Variants in PTPRM observed in about 807,000 individuals in gnomAD.
PTPRM encodes protein tyrosine phosphatase receptor type M, also known as receptor-type tyrosine-protein phosphatase mu.
In PTPRM, 47 loss-of-function variants were observed where a neutral mutation model predicts 186.7. That is an observed-to-expected ratio of 0.25 (90% CI 0.20 to 0.32). The LOEUF (loss-of-function observed/expected upper bound fraction) is 0.32, where lower values mean the gene tolerates loss of function less well. Among genes scored for constraint, PTPRM ranks in the 10% least tolerant of loss-of-function variants. The probability of loss-of-function intolerance (pLI) is 1.00; values close to 1 mark genes in which losing one functional copy is unlikely to be tolerated. For synonymous variants in PTPRM, 668 were observed against 674.9 expected (o/e 0.99, Z 0.16); for missense variants, 1,494 against 1,865.0 (o/e 0.80, Z 3.66).
In PTPRM at chr18:7,567,978, C is replaced by G. The variant is rs1156849787; in HGVS notation, c.73+87C>G. The G allele has an allele frequency of 7.6e-6, 10 of 1,309,556 alleles. No homozygotes were observed. Among genetic ancestry groups the G allele is most frequent in the Middle Eastern group, 4.8e-4 (2 of 4,202 alleles). The allele number at this position is 1,309,556 out of a possible 1,614,324, so 81.1% of individuals were successfully genotyped here. A position where few individuals can be genotyped will look rare whatever the true frequency, so the allele number is the denominator to read the frequency against. ...CCGACAGCTCCCTGGTGGTAGAGCC[C>G]TAAGGCTGGCGTCGGGGCCGGGCGG... On this transcript the variant is annotated intron_variant, in intron 1 of 32. Coordinates refer to ENST00000580170, the MANE Select transcript of PTPRM (RefSeq NM_001105244.2). This position sits in a 1 kb window ranked among gnomAD's most constrained non-coding sequence, Gnocchi z 4.3.
intron 1 of PTPRM, among the ~76,000 whole-genome samples, chr18:7,648,274 G>A (rs896490203): frequency 4.0e-4 from 61 of 152,222 alleles, no homozygotes; most frequent in African/African-American, 1.4e-3. Flanking sequence ...TGGGCTGGCT[G>A]TTACCCCATC....
intron 23 of PTPRM, among the ~76,000 whole-genome samples, chr18:8,354,155 G>C (rs2095550955): frequency 6.6e-6 from 1 of 151,954 alleles, no homozygotes; most frequent in Non-Finnish European, 1.5e-5. Flanking sequence ...GGAGGTTGCA[G>C]TGAGCCTAGA....
At chr18:7,984,890 CAT>C (rs1196224630) in intron 7 of PTPRM, among the ~76,000 whole-genome samples, 3 of 122,402 alleles carry the variant, frequency 2.5e-5, no homozygotes, top group East Asian at 2.3e-4. Context: ...ATTATATATA[CAT>C]ATATAAATAT....
At chr18:7,943,695 T>G (rs2052341024) in intron 5 of PTPRM, among the ~76,000 whole-genome samples, 1 of 152,116 alleles carries the variant, frequency 6.6e-6, no homozygotes, top group Admixed American at 6.6e-5. Flanking sequence ...CCCTCATATT[T>G]TGCCTCGTGA....
intron 7 of PTPRM, among the ~76,000 whole-genome samples, chr18:8,006,578 G>C (rs1644481394): frequency 6.6e-6 from 1 of 152,146 alleles, no homozygotes; most frequent in African/African-American, 2.4e-5. Flanking sequence ...GAGTGGAATT[G>C]GCATATTTCT....
At chr18:7,839,267 C>T (rs1253345902) in intron 2 of PTPRM, among the ~76,000 whole-genome samples, 1 of 152,170 alleles carries the variant, frequency 6.6e-6, no homozygotes, top group East Asian at 1.9e-4. Context: ...AGTCTTGCCT[C>T]GTATAGCCAC....
intron 10 of PTPRM, 93 bp downstream of exon 10, chr18:8,085,965 T>C (rs1360100056): frequency 8.3e-6 from 10 of 1,204,928 alleles, no homozygotes; most frequent in Non-Finnish European, 1.1e-5. Context: ...TCGCCCACAC[T>C]AACATTGTAT....
chr18:8,191,194 C>T (rs1210129439), intron 14 of PTPRM, among the ~76,000 whole-genome samples: 2 of 152,226 alleles, frequency 1.3e-5, no homozygotes, highest in Non-Finnish European at 2.9e-5. Context: ...GCCAAGGATA[C>T]TCACCCTGAG....
At chr18:7,636,049 C>T (rs1344408673) in intron 1 of PTPRM, among the ~76,000 whole-genome samples, 2 of 152,186 alleles carry the variant, frequency 1.3e-5, no homozygotes, top group African/African-American at 4.8e-5. Context: ...ACAAACGCTT[C>T]TGTTTTCTGA....
At chr18:7,738,544 T>C (rs2144481923) in intron 1 of PTPRM, among the ~76,000 whole-genome samples, 1 of 151,810 alleles carries the variant, frequency 6.6e-6, no homozygotes, top group Admixed American at 6.6e-5. Context: ...CATGCCATTC[T>C]CCTGCCTCAG....
At chr18:7,828,080 ATAAATAT>A (rs1274236746) in intron 2 of PTPRM, among the ~76,000 whole-genome samples, 3 of 152,198 alleles carry the variant, frequency 2.0e-5, no homozygotes, top group Non-Finnish European at 4.4e-5. Context: ...GTATAGGTGT[ATAAATAT>A]GTGCAAGTGT....
At chr18:7,809,752 A>G (rs532426522) in intron 2 of PTPRM, among the ~76,000 whole-genome samples, 2 of 152,198 alleles carry the variant, frequency 1.3e-5, no homozygotes, top group East Asian at 1.9e-4. Context: ...TGTTACAGTG[A>G]TGTTTTACTA....
chr18:7,705,953 A>G (rs185603654), intron 1 of PTPRM, among the ~76,000 whole-genome samples: 72 of 147,946 alleles, frequency 4.9e-4, no homozygotes, highest in African/African-American at 1.6e-3. Flanking sequence ...AGTGATTTAT[A>G]TATATATATA....
intron 13 of PTPRM, among the ~76,000 whole-genome samples, chr18:8,128,196 T>C (rs1437352352): frequency 6.6e-6 from 1 of 152,186 alleles, no homozygotes; most frequent in Non-Finnish European, 1.5e-5. Flanking sequence ...AACCAACTGA[T>C]TGAAAGTAGT....
intron 23 of PTPRM, among the ~76,000 whole-genome samples, chr18:8,359,972 A>G (rs549127824): frequency 2.4e-4 from 36 of 152,246 alleles, no homozygotes; most frequent in African/African-American, 8.4e-4. Flanking sequence ...TACTTTCCAA[A>G]TCTACTCCCT....
At chr18:8,035,121 A>T (rs2086236113) in intron 7 of PTPRM, among the ~76,000 whole-genome samples, 1 of 152,168 alleles carries the variant, frequency 6.6e-6, no homozygotes, top group Non-Finnish European at 1.5e-5. Flanking sequence ...TGCAATCTGG[A>T]TAGCCGAGAA....
intron 2 of PTPRM, among the ~76,000 whole-genome samples, chr18:7,804,130 T>C (rs2044114142): frequency 6.6e-6 from 1 of 152,164 alleles, no homozygotes; most frequent in African/African-American, 2.4e-5. Context: ...AATGATGCCA[T>C]TGCTGCTCTC....
intron 14 of PTPRM, among the ~76,000 whole-genome samples, chr18:8,195,311 T>C (rs1249495622): frequency 6.6e-6 from 1 of 152,126 alleles, no homozygotes; most frequent in Admixed American, 6.5e-5. Context: ...AACCCAGTGA[T>C]GGCTGCCTTT....
chr18:7,952,589 G>A (rs1471501417), intron 6 of PTPRM, among the ~76,000 whole-genome samples: 2 of 151,922 alleles, frequency 1.3e-5, no homozygotes, highest in African/African-American at 2.4e-5. Context: ...CCAGCTACTC[G>A]GAAGGCTGAG....
Sources: allele counts gnomAD v4.1 joint callset (sites outside exome capture counted in the v4.1 genomes callset), GRCh38; gene constraint gnomAD v4.1.1; non-coding constraint Gnocchi (gnomAD v3.1); transcripts MANE v1.5; gene names NCBI Gene and HGNC (gene_info 2026-07-23, HGNC 2026-07-21).